Variants in GYS2 observed in about 807,000 individuals in gnomAD.
GYS2 encodes the protein glycogen synthase 2.
GYS2 carries 80 observed loss-of-function variants against 85.6 expected under a neutral mutation model. That is an observed-to-expected ratio of 0.93 (90% CI 0.78 to 1.13). The LOEUF (loss-of-function observed/expected upper bound fraction) is 1.13. GYS2 is among the 50% of genes most tolerant of loss of function. The pLI is 0.00. For missense variants in GYS2, 881 were observed against 854.9 expected (o/e 1.03, Z -0.38); for synonymous variants, 328 against 300.7 (o/e 1.09, Z -0.94).
intron 2 of GYS2, among the ~76,000 whole-genome samples, chr12:21,578,708 T>C (rs1162594376): frequency 6.6e-6 from 1 of 152,094 alleles, no homozygotes; most frequent in Non-Finnish European, 1.5e-5. Flanking sequence ...CATTTATCTT[T>C]TTTTCCTTTT....
At position 21,542,731 on chromosome 12, in the gene GYS2, T is replaced by C; in HGVS notation, c.1550-140A>G. 8.6e-6 allele frequency: 6 copies of C among 697,482 alleles called. No individual in the cohort carries two copies. In the East Asian group the frequency reaches 1.6e-4, roughly 19 times the overall value. 43.2% of individuals were successfully genotyped at this position (697,482 alleles called of 1,614,324 possible). ...CAGTCACAACACTAAACTCTTTACATGTCTCACTAACTTATTTAATCTCTC... is the reference window on the plus strand; with the variant it reads ...CAGTCACAACACTAAACTCTTTACACGTCTCACTAACTTATTTAATCTCTC... On this transcript the variant is annotated intron_variant, in intron 12 of 15. Transcript: ENST00000261195.
intron 1 of GYS2, among the ~76,000 whole-genome samples, chr12:21,586,989 A>T (rs1332308059): frequency 6.6e-6 from 1 of 152,182 alleles, no homozygotes; most frequent in Non-Finnish European, 1.5e-5. Flanking sequence ...CATATATATT[A>T]CTCAGCCATA....
At chr12:21,538,542 C>A (rs1464531735) in intron 15 of GYS2, among the ~76,000 whole-genome samples, 1 of 152,142 alleles carries the variant, frequency 6.6e-6, no homozygotes, top group Non-Finnish European at 1.5e-5. Context: ...GTGGGGCATG[C>A]AGCTACTAAG....
intron 12 of GYS2, among the ~76,000 whole-genome samples, chr12:21,544,942 C>T (rs1210921253): frequency 6.7e-6 from 1 of 149,338 alleles, no homozygotes; most frequent in African/African-American, 2.4e-5. Context: ...TTTTTGTAGA[C>T]TTTTAAATTC....
chr12:21,599,439 T>C (rs900314735), intron 1 of GYS2, among the ~76,000 whole-genome samples: 4 of 152,040 alleles, frequency 2.6e-5, no homozygotes, highest in African/African-American at 9.7e-5. Context: ...CAGTGGGAGG[T>C]GATACTCACA....
intron 8 of GYS2, among the ~76,000 whole-genome samples, chr12:21,559,959 T>C (rs113889471): frequency 3.9e-5 from 6 of 152,108 alleles, no homozygotes; most frequent in African/African-American, 1.4e-4. Context: ...TTCATGATGA[T>C]TGGAACAGGA....
intron 1 of GYS2, among the ~76,000 whole-genome samples, chr12:21,583,938 A>G (rs1944541758): frequency 6.6e-6 from 1 of 152,208 alleles, no homozygotes; most frequent in South Asian, 2.1e-4. Flanking sequence ...CACTCCTGAC[A>G]CACTGCTTTC....
At chr12:21,545,611 G>A (rs531078522) in intron 12 of GYS2, among the ~76,000 whole-genome samples, 3 of 152,204 alleles carry the variant, frequency 2.0e-5, no homozygotes, top group South Asian at 4.1e-4. Context: ...CAAATTGGTC[G>A]CTCTTGATGC....
intron 7 of GYS2, among the ~76,000 whole-genome samples, chr12:21,562,147 C>T (rs1398374847): frequency 6.6e-6 from 1 of 152,112 alleles, no homozygotes; most frequent in African/African-American, 2.4e-5. Context: ...CACTTTGTAT[C>T]CCACCTTCCT....
chr12:21,542,822 A>G (rs1943994991), intron 12 of GYS2, among the ~76,000 whole-genome samples: 1 of 152,214 alleles, frequency 6.6e-6, no homozygotes, highest in Non-Finnish European at 1.5e-5. Context: ...GGCACAGAGA[A>G]ATTAATAACT....
At chr12:21,579,587 C>T (rs1411240709) in intron 2 of GYS2, among the ~76,000 whole-genome samples, 1 of 152,096 alleles carries the variant, frequency 6.6e-6, no homozygotes, top group East Asian at 1.9e-4. Flanking sequence ...TCTTGAACTT[C>T]TGACCTCAGG....
At position 21,542,548 on chromosome 12, in the gene GYS2, G is replaced by A; in HGVS notation, c.1593C>T (p.Leu531=). 6.2e-7 allele frequency: 1 copy of A among 1,613,788 alleles called. No homozygotes were observed. The highest frequency in any genetic ancestry group is 8.5e-7 in the Non-Finnish European group (1 of 1,179,732). ...CCTGCATGAAACAGCCAAACCCGGA[G>A]AGATTCGTGGTCACACTGGGGATAC... is the stretch of plus-strand genomic sequence containing the variant. ...VMGIPSVTTN[L]SGFGCFMQEH... is the part of the protein sequence containing the mutation. Residue 531 remains leucine, a synonymous_variant, in exon 13 of 16, where the codon CTC becomes CTT. Coordinates refer to ENST00000261195, the MANE Select transcript of GYS2 (RefSeq NM_021957.4).
At chr12:21,584,732 G>T (rs1944553950) in intron 1 of GYS2, among the ~76,000 whole-genome samples, 1 of 152,204 alleles carries the variant, frequency 6.6e-6, no homozygotes, top group Non-Finnish European at 1.5e-5. Context: ...CACTGGAATA[G>T]ACACTTACTC....
chr12:21,551,167 C>G (rs532774513), intron 11 of GYS2, among the ~76,000 whole-genome samples: 2 of 112,630 alleles, frequency 1.8e-5, no homozygotes, highest in African/African-American at 3.5e-5. Context: ...CCCCTCCCCC[C>G]ACCCCACAAC....
At chr12:21,542,237 A>G (rs113391011) in intron 13 of GYS2, among the ~76,000 whole-genome samples, 1 of 152,046 alleles carries the variant, frequency 6.6e-6, no homozygotes, top group African/African-American at 2.4e-5. Context: ...TTTAGTAGAG[A>G]TGGGATTTTG....
chr12:21,601,710 A>G (rs1237930355), intron 1 of GYS2, among the ~76,000 whole-genome samples: 2 of 151,932 alleles, frequency 1.3e-5, no homozygotes, highest in African/African-American at 2.4e-5. Flanking sequence ...ATCACATTTG[A>G]CTGTATTGTA....
At chr12:21,541,142 C>CA in intron 13 of GYS2, among the ~76,000 whole-genome samples, 1 of 151,832 alleles carries the variant, frequency 6.6e-6, no homozygotes, top group African/African-American at 2.4e-5. Context: ...GTGGTGTGCG[C>CA]CTGTAGCCCC....
intron 14 of GYS2, 148 bp downstream of exon 14, chr12:21,540,262 T>C: frequency 1.3e-6 from 1 of 776,054 alleles, no homozygotes; most frequent in Non-Finnish European, 2.2e-6. Flanking sequence ...CTTTGTAAAC[T>C]TATTAAATTT....
At chr12:21,544,488 C>A (rs2136846179) in intron 12 of GYS2, among the ~76,000 whole-genome samples, 1 of 152,262 alleles carries the variant, frequency 6.6e-6, no homozygotes, top group African/African-American at 2.4e-5. Context: ...TCCCACATTG[C>A]CTCAGTCACT....
Sources: allele counts gnomAD v4.1 joint callset (sites outside exome capture counted in the v4.1 genomes callset), GRCh38; gene constraint gnomAD v4.1.1; transcripts MANE v1.5; gene names NCBI Gene and HGNC (gene_info 2026-07-23, HGNC 2026-07-21).